SPAG16: variants seen among roughly 807,000 people sequenced by gnomAD.
The protein encoded by SPAG16 is sperm associated antigen 16.
SPAG16 carries 86 observed loss-of-function variants against 80.4 expected under a neutral mutation model. The observed-to-expected ratio is 1.07, with a 90% CI of 0.90 to 1.28. The LOEUF (loss-of-function observed/expected upper bound fraction) is 1.28, where lower values mean the gene tolerates loss of function less well. Among genes scored for constraint, SPAG16 ranks in the 50% most tolerant of loss-of-function variants. SPAG16 has a pLI of 0.00. For missense variants in SPAG16, 870 were observed against 765.3 expected (o/e 1.14, Z -1.61); for synonymous variants, 294 against 265.9 (o/e 1.11, Z -1.03).
chr2:213,896,581 C>T (rs62191877), intron 11 of SPAG16, among the ~76,000 whole-genome samples: 84,568 of 131,020 alleles, frequency 0.65, 26,996 homozygotes, highest in South Asian at 0.86. Flanking sequence ...GTGATATATA[C>T]ACACACACAC....
intron 12 of SPAG16, among the ~76,000 whole-genome samples, chr2:213,954,824 A>T (rs1209007008): frequency 1.3e-5 from 2 of 152,162 alleles, no homozygotes; most frequent in Non-Finnish European, 1.5e-5. Context: ...GTTATTATCT[A>T]GTTTTAAAAA....
chr2:213,649,309 AG>A (rs2062939150), intron 10 of SPAG16, among the ~76,000 whole-genome samples: 1 of 152,256 alleles, frequency 6.6e-6, no homozygotes, highest in East Asian at 1.9e-4. Context: ...TTGTAAATGG[AG>A]GAAAGTTAAA....
chr2:213,394,324 T>C (rs1178482621), intron 9 of SPAG16, among the ~76,000 whole-genome samples: 4 of 152,176 alleles, frequency 2.6e-5, no homozygotes, highest in Non-Finnish European at 4.4e-5. Context: ...ATAGAAATTA[T>C]TTAAATTTTA....
intron 13 of SPAG16, among the ~76,000 whole-genome samples, chr2:214,104,060 C>T (rs554119534): frequency 1.3e-5 from 2 of 152,122 alleles, no homozygotes; most frequent in African/African-American, 4.8e-5. Context: ...GGTTTGCAAT[C>T]CTTGGATGTG....
At chr2:213,737,846 GA>G (rs1237819137) in intron 10 of SPAG16, among the ~76,000 whole-genome samples, 1 of 152,072 alleles carries the variant, frequency 6.6e-6, no homozygotes, top group African/African-American at 2.4e-5. Flanking sequence ...TGTAGGTTGA[GA>G]AGTTATTTTC....
At chr2:213,416,508 A>G (rs976851805) in intron 9 of SPAG16, among the ~76,000 whole-genome samples, 5 of 151,994 alleles carry the variant, frequency 3.3e-5, no homozygotes, top group African/African-American at 7.3e-5. Context: ...ACAGCATGCT[A>G]TATAACACTT....
intron 13 of SPAG16, among the ~76,000 whole-genome samples, chr2:214,041,484 T>C (rs374322908): frequency 6.6e-6 from 1 of 151,704 alleles, no homozygotes; most frequent in Non-Finnish European, 1.5e-5. Context: ...CTAAAAAATG[T>C]CCTATGTAGT....
At chr2:213,715,266 A>ATCTATCTATCTGTCTG (rs3076744) in intron 10 of SPAG16, among the ~76,000 whole-genome samples, 10 of 150,940 alleles carry the variant, frequency 6.6e-5, no homozygotes, top group Admixed American at 1.3e-4. Context: ...CTATCTATCT[A>ATCTATCTATCTGTCTG]TCCATTCATC....
chr2:213,381,167 G>A (rs1464396355), intron 9 of SPAG16, among the ~76,000 whole-genome samples: 3 of 151,994 alleles, frequency 2.0e-5, no homozygotes, highest in Non-Finnish European at 2.9e-5. Flanking sequence ...GGTGTTTTGG[G>A]GTCTCTAGGA....
intron 10 of SPAG16, among the ~76,000 whole-genome samples, chr2:213,711,242 T>G (rs1353393797): frequency 6.6e-6 from 1 of 152,130 alleles, no homozygotes; most frequent in Non-Finnish European, 1.5e-5. Flanking sequence ...GACTTTTGGA[T>G]AAATTGTTAT....
chr2:214,282,502 A>C (rs1447391651), intron 15 of SPAG16, among the ~76,000 whole-genome samples: 1 of 152,206 alleles, frequency 6.6e-6, no homozygotes, highest in Non-Finnish European at 1.5e-5. Flanking sequence ...TTCTAAATAC[A>C]GAGGAAGCTT....
intron 12 of SPAG16, among the ~76,000 whole-genome samples, chr2:213,967,095 T>C (rs541840572): frequency 7.9e-5 from 12 of 152,312 alleles, no homozygotes; most frequent in South Asian, 6.2e-4. Context: ...TAAATTCAAG[T>C]AGTCATCATG....
At chr2:213,857,938 C>A (rs1352089869) in intron 10 of SPAG16, among the ~76,000 whole-genome samples, 2 of 152,134 alleles carry the variant, frequency 1.3e-5, no homozygotes, top group Non-Finnish European at 2.9e-5. Context: ...GAGGAAGTCA[C>A]ATCAGATGTG....
rs927277125 is a variant in SPAG16, at chr2:213,988,352, A to G, written c.1401-25599A>G. 2.6e-5 allele frequency among the ~76,000 whole-genome samples: 4 copies of G among 152,128 alleles called. No homozygotes were observed. The East Asian group carries it at 5.8e-4, about 22-fold the overall frequency. ...ATCGAGATAGACTGTATCTTGGGCC[A>G]TAAAACAAGATCAATAAAATTAAGA... On this transcript the variant is annotated intron_variant, in intron 12 of 15. Coordinates refer to ENST00000331683, the MANE Select transcript of SPAG16 (RefSeq NM_024532.5).
chr2:213,505,137 A>G (rs1437871217), intron 10 of SPAG16, among the ~76,000 whole-genome samples: 2 of 152,184 alleles, frequency 1.3e-5, no homozygotes, highest in African/African-American at 4.8e-5. Flanking sequence ...ATATAAGTAG[A>G]CCTTTCTACT....
intron 10 of SPAG16, among the ~76,000 whole-genome samples, chr2:213,671,572 A>T (rs943142219): frequency 2.0e-5 from 3 of 152,022 alleles, no homozygotes; most frequent in Non-Finnish European, 2.9e-5. Context: ...CCTCCATAAG[A>T]TTTCTTCCTC....
At chr2:214,156,400 C>A (rs1158552429) in intron 15 of SPAG16, among the ~76,000 whole-genome samples, 2 of 152,118 alleles carry the variant, frequency 1.3e-5, no homozygotes, top group African/African-American at 4.8e-5. Context: ...ACAAAGACAG[C>A]CAGCACCTCC....
chr2:213,960,768 A>C lies in SPAG16; in HGVS notation c.1400+30623A>C, dbSNP rs550363110. ...GATGCCCAAGAGGGGAAAAAGAGAA[A>C]AATGAAGTGATAGGAAAATGATACT... On this transcript the variant is annotated intron_variant, in intron 12 of 15. Transcript: ENST00000331683. 4.6e-5 allele frequency among the ~76,000 whole-genome samples: 7 copies of C among 152,316 alleles called. No individual in the cohort carries two copies. In the South Asian group the frequency reaches 1.4e-3, roughly 32 times the overall value.
intron 9 of SPAG16, among the ~76,000 whole-genome samples, chr2:213,425,215 C>T (rs908305513): frequency 2.6e-5 from 4 of 151,876 alleles, no homozygotes; most frequent in Non-Finnish European, 4.4e-5. Context: ...CCCAGCTACT[C>T]GGGAGGCTGA....
Sources: allele counts gnomAD v4.1 joint callset (sites outside exome capture counted in the v4.1 genomes callset), GRCh38; gene constraint gnomAD v4.1.1; transcripts MANE v1.5; gene names NCBI Gene and HGNC (gene_info 2026-07-23, HGNC 2026-07-21).